ARPP21: variants seen among roughly 807,000 people sequenced by gnomAD.
ARPP21 encodes the protein cAMP-regulated phosphoprotein 21.
A neutral mutation model predicts 113.2 loss-of-function variants in ARPP21; 69 were observed. The observed-to-expected ratio is 0.61, with a 90% CI of 0.50 to 0.74. ARPP21 has a LOEUF of 0.74. Ranked by LOEUF, ARPP21 falls within the 30% of genes least tolerant of loss-of-function variation. The pLI is 0.00. For missense variants in ARPP21, 1,070 were observed against 1,037.4 expected (o/e 1.03, Z -0.43); for synonymous variants, 368 against 375.5 (o/e 0.98, Z 0.23).
intron 9 of ARPP21, among the ~76,000 whole-genome samples, chr3:35,691,965 A>G (rs1324024432): frequency 1.3e-5 from 2 of 151,506 alleles, no homozygotes; most frequent in Admixed American, 6.6e-5. Context: ...AGAGGTTGGG[A>G]CAAGTGGGGA....
intron 11 of ARPP21, among the ~76,000 whole-genome samples, chr3:35,712,561 TGA>T (rs2091485745): frequency 7.0e-6 from 1 of 143,560 alleles, no homozygotes; most frequent in Non-Finnish European, 1.5e-5. Context: ...TGTGTGTGTG[TGA>T]AAGAGAGAGA....
chr3:35,728,213 G>A (rs1576359734), intron 14 of ARPP21, among the ~76,000 whole-genome samples: 1 of 129,772 alleles, frequency 7.7e-6, no homozygotes, highest in Non-Finnish European at 1.6e-5. Context: ...TTGATTCCTT[G>A]CCTTTTTTTT....
At chr3:35,746,409 C>G (rs1031111856) in intron 19 of ARPP21, among the ~76,000 whole-genome samples, 1 of 152,146 alleles carries the variant, frequency 6.6e-6, no homozygotes, top group African/African-American at 2.4e-5. Context: ...GAGAGCAACT[C>G]TATGTGGATG....
intron 1 of ARPP21, among the ~76,000 whole-genome samples, chr3:35,674,026 GA>G (rs907919080): frequency 6.6e-6 from 1 of 151,872 alleles, no homozygotes; most frequent in African/African-American, 2.4e-5. Flanking sequence ...GTCTCCAATA[GA>G]AATAACTGAA....
chr3:35,707,133 C>T, intron 10 of ARPP21, 51 bp downstream of exon 10: 1 of 1,378,104 alleles, frequency 7.3e-7, no homozygotes, highest in African/African-American at 1.4e-5. Flanking sequence ...TGAAGGTGGG[C>T]TGACTGATGT....
intron 19 of ARPP21, among the ~76,000 whole-genome samples, chr3:35,760,817 AC>A (rs2151292002): frequency 1.3e-5 from 2 of 152,158 alleles, no homozygotes; most frequent in East Asian, 3.9e-4. Context: ...GAGATGTCCC[AC>A]CCACATTAGG....
rs369306202 is a variant in ARPP21 at position 35,683,796 on chromosome 3, G to T, written c.242G>T (p.Gly81Val). 1.3e-6 allele frequency: 2 copies of T among 1,528,880 alleles called. No homozygotes were observed. Among genetic ancestry groups the T allele is most frequent in the African/African-American group, 1.4e-5 (1 of 72,802 alleles). The allele number at this position is 1,528,880 out of a possible 1,614,324, so 94.7% of individuals were successfully genotyped here. Residue 81 changes from glycine to valine, a missense_variant, in exon 5 of 21, where the codon GGT becomes GTT. By Grantham distance (109) the Gly-to-Val change is moderately radical. Coordinates refer to ENST00000684406, the MANE Select transcript of ARPP21 (RefSeq NM_001385562.1). ...GAGGAATCTTCTGCCAGACCAGGAG[G>T]TGAAAGTCTTCAGGATCAGGTATAT... The part of the protein sequence containing the change: ...VCEESSARPG[G>V]ESLQDQESIH...
intron 9 of ARPP21, among the ~76,000 whole-genome samples, chr3:35,696,438 A>G (rs2084049437): frequency 6.6e-6 from 1 of 151,530 alleles, no homozygotes; most frequent in African/African-American, 2.4e-5. Flanking sequence ...AGTAGCCTCC[A>G]ACTACACTTT....
chr3:35,693,521 A>C (rs1035003460), intron 9 of ARPP21, among the ~76,000 whole-genome samples: 1 of 151,660 alleles, frequency 6.6e-6, no homozygotes, highest in Admixed American at 6.6e-5. Context: ...AACAAATCAC[A>C]GTTTTCAGAA....
chr3:35,669,338 A>G (rs1190548508), intron 1 of ARPP21, among the ~76,000 whole-genome samples: 1 of 152,078 alleles, frequency 6.6e-6, no homozygotes, highest in Non-Finnish European at 1.5e-5. Flanking sequence ...TTTCTTATCT[A>G]CTTTAAAATC....
intron 19 of ARPP21, among the ~76,000 whole-genome samples, chr3:35,778,514 T>G (rs2151672897): frequency 6.6e-6 from 1 of 152,224 alleles, no homozygotes; most frequent in South Asian, 2.1e-4. Flanking sequence ...CTAACACTGG[T>G]TTCTCCCCTA....
Position 35,729,327 on chromosome 3 carries a change from G to A in ARPP21, c.1250G>A (p.Gly417Asp), listed in dbSNP as rs202100345. The change falls in exon 15 of 21, where the codon GGC becomes GAC. Residue 417 changes from glycine (G) to aspartate (D), a missense_variant. Physicochemically the swap from Gly to Asp is moderately conservative, Grantham distance 94 (BLOSUM62 -1). Coordinates refer to ENST00000684406, the MANE Select transcript of ARPP21 (RefSeq NM_001385562.1). ...KAGSESSSSA[G>D]SSGSLSRTHP... ...GGTTCCGAGTCTTCCAGCAGTGCAG[G>A]CTCCTCAGGATCGCTGTCCCGCACC... The A allele has an allele frequency of 3.9e-5, 63 of 1,614,042 alleles. No homozygotes were observed. The South Asian group carries it at 4.5e-4, about 12-fold the overall frequency.
At chr3:35,731,554 A>G (rs1008663621) in intron 15 of ARPP21, among the ~76,000 whole-genome samples, 2 of 152,190 alleles carry the variant, frequency 1.3e-5, no homozygotes, top group African/African-American at 2.4e-5. Flanking sequence ...TCTAGAATAT[A>G]TTTATTTTGT....
intron 11 of ARPP21, chr3:35,715,230 C>A (rs2092201277): frequency 2.0e-6 from 1 of 500,174 alleles, no homozygotes; most frequent in Non-Finnish European, 3.6e-6. Flanking sequence ...TGGAGACGTC[C>A]TGAAGGAAAA....
intron 9 of ARPP21, among the ~76,000 whole-genome samples, chr3:35,693,110 A>C (rs539139232): frequency 6.6e-6 from 1 of 151,756 alleles, no homozygotes; most frequent in East Asian, 2.0e-4. Flanking sequence ...GGAAGAGTTG[A>C]AAGTAAGTGT....
At chr3:35,793,563 C>G in intron 20 of ARPP21, 138 bp from the exon 21 acceptor site, 1 of 649,800 alleles carries the variant, frequency 1.5e-6, no homozygotes, top group Admixed American at 2.6e-5. Flanking sequence ...GTGAAACAGC[C>G]GATAAATGGC....
At chr3:35,768,805 C>A (rs2096081107) in intron 19 of ARPP21, among the ~76,000 whole-genome samples, 1 of 152,136 alleles carries the variant, frequency 6.6e-6, no homozygotes, top group Non-Finnish European at 1.5e-5. Flanking sequence ...TAACTGCTTG[C>A]TATTTATTGT....
At chr3:35,730,344 C>A (rs1319445531) in intron 15 of ARPP21, among the ~76,000 whole-genome samples, 1 of 152,202 alleles carries the variant, frequency 6.6e-6, no homozygotes, top group East Asian at 1.9e-4. Context: ...GTCTCTGGCC[C>A]CAAGGCCATT....
intron 1 of ARPP21, among the ~76,000 whole-genome samples, chr3:35,655,488 T>C (rs1419029560): frequency 6.6e-6 from 1 of 151,928 alleles, no homozygotes; most frequent in Non-Finnish European, 1.5e-5. Context: ...GCTGATGAAA[T>C]GGCAAGATAG....
Sources: gnomAD v4.1 joint callset for allele counts (sites outside exome capture counted in the v4.1 genomes callset) on GRCh38, gnomAD v4.1.1 for gene constraint, MANE v1.5 for transcripts, NCBI Gene and HGNC (gene_info 2026-07-23, HGNC 2026-07-21) for gene names.